EYS: variants seen among roughly 807,000 people sequenced by gnomAD.
EYS encodes EGF-like photoreceptor maintenance factor.
In EYS, 250 loss-of-function variants were observed where a neutral mutation model predicts 282.1. The observed-to-expected ratio is 0.89, with a 90% CI of 0.80 to 0.98. The LOEUF (loss-of-function observed/expected upper bound fraction) is 0.98, where lower values mean the gene tolerates loss of function less well. Among genes scored for constraint, EYS ranks in the 50% least tolerant of loss-of-function variants. EYS has a pLI of 0.00. For missense variants in EYS, 4,016 were observed against 3,709.0 expected (o/e 1.08, Z -2.15); for synonymous variants, 1,355 against 1,282.9 (o/e 1.06, Z -1.20).
chr6:63,744,921 T>C (rs1769175724), intron 41 of EYS: 1 of 385,760 alleles, frequency 2.6e-6, no homozygotes, highest in Non-Finnish European at 5.0e-6. Flanking sequence ...TCCAGCAGTA[T>C]AGTAGATTAG....
chr6:65,281,214 T>C (rs1768212549), intron 12 of EYS, among the ~76,000 whole-genome samples: 1 of 151,938 alleles, frequency 6.6e-6, no homozygotes, highest in Admixed American at 6.6e-5. Flanking sequence ...CAATCACTTA[T>C]ATTTTGTTTT....
intron 30 of EYS, among the ~76,000 whole-genome samples, chr6:64,250,527 A>G (rs180997998): frequency 6.6e-6 from 1 of 152,364 alleles, no homozygotes; most frequent in Non-Finnish European, 1.5e-5. Context: ...CAAATAGCTA[A>G]AGCAATGATG....
At chr6:64,777,406 CAAAA>C (rs1337626177) in intron 22 of EYS, among the ~76,000 whole-genome samples, 1 of 151,910 alleles carries the variant, frequency 6.6e-6, no homozygotes, top group Admixed American at 6.6e-5. Context: ...GTTAAATAAA[CAAAA>C]GAAAGAAATG....
intron 33 of EYS, among the ~76,000 whole-genome samples, chr6:64,054,009 TCTG>T (rs1770899873): frequency 6.6e-6 from 1 of 152,222 alleles, no homozygotes. Flanking sequence ...TTGATTTTCT[TCTG>T]ACTATAACAT....
intron 36 of EYS, among the ~76,000 whole-genome samples, chr6:63,855,652 G>C (rs1292970052): frequency 6.6e-6 from 1 of 152,176 alleles, no homozygotes; most frequent in Admixed American, 6.5e-5. Context: ...GAGGCAGATA[G>C]GGTGTCTACC....
intron 11 of EYS, among the ~76,000 whole-genome samples, chr6:65,310,079 C>G (rs1220589183): frequency 6.6e-6 from 1 of 152,166 alleles, no homozygotes; most frequent in Non-Finnish European, 1.5e-5. Context: ...CGTGGTGGCT[C>G]ATGCCTGTCA....
chr6:64,724,309 T>C (rs62415473), intron 22 of EYS, among the ~76,000 whole-genome samples: 7,430 of 152,282 alleles, frequency 0.049, 246 homozygotes, highest in Middle Eastern at 0.082. Flanking sequence ...GACAGTTTCT[T>C]TTGCCTTGCC....
intron 12 of EYS, among the ~76,000 whole-genome samples, chr6:65,059,835 C>T (rs1773519058): frequency 6.6e-6 from 1 of 151,964 alleles, no homozygotes; most frequent in African/African-American, 2.4e-5. Context: ...CTCAAGTTCC[C>T]AAAGACTGGA....
intron 8 of EYS, among the ~76,000 whole-genome samples, chr6:65,369,288 A>T (rs1435567764): frequency 8.7e-6 from 1 of 114,492 alleles, no homozygotes; most frequent in East Asian, 2.2e-4. Context: ...TATATATATT[A>T]TATATATATT....
chr6:64,315,967 C>A (rs559292140), intron 29 of EYS, among the ~76,000 whole-genome samples: 41 of 152,242 alleles, frequency 2.7e-4, no homozygotes, highest in Non-Finnish European at 4.6e-4. Context: ...TGACAAAAAC[C>A]ACATGATTAT....
intron 31 of EYS, among the ~76,000 whole-genome samples, chr6:64,192,973 C>G (rs1029040427): frequency 6.6e-6 from 1 of 152,198 alleles, no homozygotes; most frequent in African/African-American, 2.4e-5. Flanking sequence ...GTTTGTTTCA[C>G]TGGCATCATT....
intron 8 of EYS, among the ~76,000 whole-genome samples, chr6:65,371,997 A>C (rs1765173020): frequency 6.6e-6 from 1 of 151,342 alleles, no homozygotes. Flanking sequence ...TAATTGTAAA[A>C]AAAAAAAAAA....
At chr6:64,358,737 T>C (rs1771914000) in intron 29 of EYS, among the ~76,000 whole-genome samples, 1 of 151,680 alleles carries the variant, frequency 6.6e-6, no homozygotes, top group African/African-American at 2.4e-5. Flanking sequence ...ATCTAAAATA[T>C]GCCAAGAATT....
intron 35 of EYS, among the ~76,000 whole-genome samples, chr6:63,957,152 A>T (rs1765864145): frequency 1.0e-5 from 1 of 96,014 alleles, no homozygotes; most frequent in Non-Finnish European, 2.8e-5. Flanking sequence ...TGAAAGACAC[A>T]TTACTGTCTT....
At chr6:64,944,632 A>G (rs1306734395) in intron 15 of EYS, among the ~76,000 whole-genome samples, 3 of 152,052 alleles carry the variant, frequency 2.0e-5, no homozygotes, top group East Asian at 1.9e-4. Flanking sequence ...CCCCCAGCCC[A>G]ACACCCTTAA....
At chr6:64,905,779 T>G (rs1767809574) in intron 16 of EYS, among the ~76,000 whole-genome samples, 1 of 152,168 alleles carries the variant, frequency 6.6e-6, no homozygotes, top group African/African-American at 2.4e-5. Context: ...AAAATCATTT[T>G]ACATAGCATT....
chr6:65,335,121 A>C lies in EYS; in HGVS notation c.1625T>G (p.Leu542Trp). The C allele has an allele frequency of 6.2e-7, 1 of 1,611,496 alleles. No individual in the cohort carries two copies. The highest frequency in any genetic ancestry group is 8.5e-7 in the Non-Finnish European group (1 of 1,178,558). Residue 542 changes from leucine (L) to tryptophan (W), a missense_variant, in exon 11 of 43, where the codon TTG becomes TGG. Leu to Trp is a moderately conservative substitution (Grantham distance 61). Transcript: ENST00000503581. ...ATATTCCTGACTGTCTTCTTCACTCAAACAACTGCATCCATTTGCACAAAT... is the reference window on the plus strand; with the variant it reads ...ATATTCCTGACTGTCTTCTTCACTCCAACAACTGCATCCATTTGCACAAAT... ...KEICANGCSC[L>W]SEEDSQEYRY...
At chr6:64,954,602 T>C (rs1040620155) in intron 14 of EYS, among the ~76,000 whole-genome samples, 2 of 152,116 alleles carry the variant, frequency 1.3e-5, no homozygotes, top group Non-Finnish European at 2.9e-5. Context: ...ATGACAATAA[T>C]AATGCAAGTA....
chr6:64,440,920 A>G (rs879803205), intron 26 of EYS, among the ~76,000 whole-genome samples: 3 of 152,200 alleles, frequency 2.0e-5, no homozygotes, highest in Non-Finnish European at 2.9e-5. Context: ...GTCTGAACAG[A>G]ATATATTTGA....
Sources: gnomAD v4.1 joint callset for allele counts (sites outside exome capture counted in the v4.1 genomes callset) on GRCh38, gnomAD v4.1.1 for gene constraint, MANE v1.5 for transcripts, NCBI Gene and HGNC (gene_info 2026-07-23, HGNC 2026-07-21) for gene names.